Variants in MBD5 observed in about 807,000 individuals in gnomAD.
MBD5 encodes methyl-CpG-binding domain protein 5.
A neutral mutation model predicts 117.3 loss-of-function variants in MBD5; 13 were observed. The ratio of observed to expected loss-of-function variants is 0.11; its 90% CI spans 0.07 to 0.18. The LOEUF (loss-of-function observed/expected upper bound fraction) is 0.18, where lower values mean the gene tolerates loss of function less well. Among genes scored for constraint, MBD5 ranks in the 10% least tolerant of loss-of-function variants. The probability of loss-of-function intolerance (pLI) is 1.00; values close to 1 mark genes in which losing one functional copy is unlikely to be tolerated. For missense variants in MBD5, 1,879 were observed against 2,093.8 expected (o/e 0.90, Z 2.00); for synonymous variants, 727 against 766.4 (o/e 0.95, Z 0.85).
intron 2 of MBD5, among the ~76,000 whole-genome samples, chr2:148,225,655 T>A (rs1161501311): frequency 1.3e-5 from 2 of 152,186 alleles, no homozygotes; most frequent in Non-Finnish European, 2.9e-5. Flanking sequence ...GTTGATAAAA[T>A]CCCTAAGCTT....
At chr2:148,151,380 C>G (rs1697659695) in intron 1 of MBD5, among the ~76,000 whole-genome samples, 1 of 151,974 alleles carries the variant, frequency 6.6e-6, no homozygotes, top group South Asian at 2.1e-4. Context: ...CAATGTTCAT[C>G]AAGGATATTG....
intron 4 of MBD5, among the ~76,000 whole-genome samples, chr2:148,382,369 T>C (rs905376646): frequency 3.3e-5 from 5 of 152,138 alleles, no homozygotes; most frequent in African/African-American, 1.2e-4. Flanking sequence ...GACCATTACA[T>C]AATGGTAAAG....
intron 1 of MBD5, chr2:148,068,743 T>G (rs1416340290): frequency 6.6e-6 from 1 of 152,232 alleles, no homozygotes; most frequent in African/African-American, 2.4e-5. Flanking sequence ...TGACTGGTGA[T>G]AATTGTAACT....
chr2:148,066,612 G>A (rs1695202215), intron 1 of MBD5, among the ~76,000 whole-genome samples: 1 of 151,636 alleles, frequency 6.6e-6, no homozygotes, highest in South Asian at 2.1e-4. Flanking sequence ...TGAATAGCTG[G>A]GAGTATAGGT....
intron 3 of MBD5, among the ~76,000 whole-genome samples, chr2:148,237,113 T>C (rs1440678869): frequency 1.3e-5 from 2 of 152,250 alleles, no homozygotes; most frequent in East Asian, 3.9e-4. Flanking sequence ...CAGCTTTGGC[T>C]TAAATAAATG....
intron 1 of MBD5, among the ~76,000 whole-genome samples, chr2:148,067,069 G>A (rs1203648863): frequency 6.6e-6 from 1 of 151,086 alleles, no homozygotes; most frequent in Non-Finnish European, 1.5e-5. Context: ...TAGATTTAAG[G>A]TTAGCTATGT....
At chr2:148,168,012 G>A (rs1698170193) in intron 1 of MBD5, among the ~76,000 whole-genome samples, 1 of 152,066 alleles carries the variant, frequency 6.6e-6, no homozygotes, top group African/African-American at 2.4e-5. Context: ...ATGATACCCT[G>A]TTAAGTACTT....
chr2:148,309,406 C>G (rs1397376651), intron 3 of MBD5, among the ~76,000 whole-genome samples: 2 of 152,092 alleles, frequency 1.3e-5, no homozygotes, highest in African/African-American at 4.8e-5. Flanking sequence ...ATTTTATTCT[C>G]TTTGTAGCAA....
intron 1 of MBD5, among the ~76,000 whole-genome samples, chr2:148,127,873 C>T (rs574214187): frequency 1.3e-4 from 20 of 152,186 alleles, no homozygotes; most frequent in Non-Finnish European, 1.9e-4. Flanking sequence ...GTTCCTTTTT[C>T]TGCACAATCT....
At position 148,180,343 on chromosome 2, in the gene MBD5, C is replaced by CATATATATATATATATATATATATAT. The variant is rs70992196; in HGVS notation, c.-831+1568_-831+1569insATATATATATATATATATATATATAT. On this transcript the variant is annotated intron_variant, in intron 2 of 13. Coordinates refer to ENST00000642680, the MANE Select transcript of MBD5 (RefSeq NM_001378120.1). ...ATCCTTCTAGTAAAAAAAAATTATA[C>CATATATATATATATATATATATATAT]ATATATATATATATATATGTATATA... Among the ~76,000 whole-genome samples the CATATATATATATATATATATATATAT allele has an allele frequency of 2.3e-3, 244 of 105,458 alleles. 3 individuals carry two copies. Among genetic ancestry groups the CATATATATATATATATATATATATAT allele is most frequent in the East Asian group, 5.9e-3 (22 of 3,740 alleles). 69.2% of individuals were successfully genotyped at this position (105,458 alleles called of 152,430 possible).
At chr2:148,348,196 C>T (rs1001021313) in intron 4 of MBD5, among the ~76,000 whole-genome samples, 1 of 151,944 alleles carries the variant, frequency 6.6e-6, no homozygotes, top group East Asian at 1.9e-4. Flanking sequence ...CTCTTATGCC[C>T]TTGTATCCAG....
intron 3 of MBD5, chr2:148,296,450 C>T (rs1398508572): frequency 6.5e-6 from 1 of 154,938 alleles, no homozygotes; most frequent in Non-Finnish European, 1.4e-5. Flanking sequence ...GTCTTGTATG[C>T]TAGAACTTTT....
chr2:148,476,074 A>C (rs1680953818), intron 8 of MBD5, among the ~76,000 whole-genome samples: 1 of 152,208 alleles, frequency 6.6e-6, no homozygotes, highest in South Asian at 2.1e-4. Flanking sequence ...GGTTGGAGTT[A>C]GTCCAGGGAA....
At chr2:148,459,336 A>G (rs1706989203) in intron 5 of MBD5, among the ~76,000 whole-genome samples, 1 of 152,168 alleles carries the variant, frequency 6.6e-6, no homozygotes, top group African/African-American at 2.4e-5. Flanking sequence ...ATAGTCTTTA[A>G]TCTATTTCCT....
intron 2 of MBD5, among the ~76,000 whole-genome samples, chr2:148,198,415 G>T (rs1410359679): frequency 6.6e-6 from 1 of 151,998 alleles, no homozygotes; most frequent in African/African-American, 2.4e-5. Context: ...CCTGTTTCAG[G>T]TTGTTACAAG....
At chr2:148,265,166 T>C (rs1700828079) in intron 3 of MBD5, 1 of 152,142 alleles carries the variant, frequency 6.6e-6, no homozygotes, top group East Asian at 1.9e-4. Flanking sequence ...ATACTTTTCT[T>C]TTTAAATTTA....
chr2:148,126,259 G>T (rs11676652), intron 1 of MBD5, among the ~76,000 whole-genome samples: 1 of 151,576 alleles, frequency 6.6e-6, no homozygotes, highest in Non-Finnish European at 1.5e-5. Context: ...AAAAAATTTA[G>T]CTGGGCGTGG....
chr2:148,316,422 G>A (rs1702160089), intron 3 of MBD5, among the ~76,000 whole-genome samples: 1 of 152,170 alleles, frequency 6.6e-6, no homozygotes, highest in Non-Finnish European at 1.5e-5. Flanking sequence ...TAAGATGAAA[G>A]TAAACATGTA....
At chr2:148,154,198 G>C (rs1217091894) in intron 1 of MBD5, among the ~76,000 whole-genome samples, 1 of 150,922 alleles carries the variant, frequency 6.6e-6, no homozygotes, top group South Asian at 2.1e-4. Context: ...GTACCCTGCC[G>C]TGTGAGGTGT....
Sources: allele counts gnomAD v4.1 joint callset (sites outside exome capture counted in the v4.1 genomes callset), GRCh38; gene constraint gnomAD v4.1.1; transcripts MANE v1.5; gene names NCBI Gene and HGNC (gene_info 2026-07-23, HGNC 2026-07-21).